The following TMEM132D variants were observed in gnomAD, a reference collection of about 807,000 sequenced individuals.
TMEM132D encodes the protein mature OL transmembrane protein.
A neutral mutation model predicts 62.3 loss-of-function variants in TMEM132D; 21 were observed. That is an observed-to-expected ratio of 0.34 (90% confidence interval 0.24 to 0.49). TMEM132D has a LOEUF of 0.49. TMEM132D is among the 20% of genes least tolerant of loss of function. TMEM132D has a pLI of 0.99. For missense variants in TMEM132D, 1,346 were observed against 1,402.8 expected, an observed-to-expected ratio of 0.96 and a Z score of 0.65; for synonymous variants, 621 against 575.6, an observed-to-expected ratio of 1.08 and a Z score of -1.13.
At chr12:129,350,100 T>C (rs1347835906) in intron 3 of TMEM132D, among the ~76,000 whole-genome samples, 3 of 152,200 alleles carry the variant, frequency 2.0e-5, no homozygotes, top group Non-Finnish European at 4.4e-5. Context: ...CTCAGCCCTT[T>C]TGAAATAATG....
At chr12:129,168,489 A>G (rs1877627163) in intron 5 of TMEM132D, among the ~76,000 whole-genome samples, 1 of 152,002 alleles carries the variant, frequency 6.6e-6, no homozygotes, top group African/African-American at 2.4e-5. Context: ...GGATTTTCCT[A>G]TTCTAGACAT....
At chr12:129,310,199 G>A (rs1343925236) in intron 4 of TMEM132D, among the ~76,000 whole-genome samples, 1 of 152,154 alleles carries the variant, frequency 6.6e-6, no homozygotes, top group Non-Finnish European at 1.5e-5. Context: ...GCTAGTGGTG[G>A]CTGTGAGGGC....
At chr12:129,207,769 TA>T (rs141204145) in intron 5 of TMEM132D, among the ~76,000 whole-genome samples, 13,997 of 151,990 alleles carry the variant, frequency 0.092, 716 homozygotes, top group African/African-American at 0.12. Context: ...TTTTTTTATA[TA>T]AAAAAAGTAT....
At chr12:129,692,054 ACT>A (rs1881075622) in intron 2 of TMEM132D, among the ~76,000 whole-genome samples, 1 of 151,928 alleles carries the variant, frequency 6.6e-6, no homozygotes, top group African/African-American at 2.4e-5. Flanking sequence ...ATTTCTACAC[ACT>A]CTCTCCGAGC....
At chr12:129,085,459 A>G (rs1395484964) in intron 5 of TMEM132D, 1 of 152,304 alleles carries the variant, frequency 6.6e-6, no homozygotes, top group Non-Finnish European at 1.5e-5. Flanking sequence ...AGCTAGCTCA[A>G]TGATGCACCT....
rs2137337018 is a variant in TMEM132D at position 129,834,104 on chromosome 12, C to T, written c.79+69157G>A. On this transcript the variant is annotated intron_variant, in intron 1 of 8. Transcript: ENST00000422113. ...TCCATAAGGGATTGTAACCGAGTGG[C>T]CCAGACTTGAAACACATTTTACAGT... Among the ~76,000 whole-genome samples the T allele has an allele frequency of 1.3e-5, 2 of 152,278 alleles. 1 individual carries two copies. The highest frequency in any genetic ancestry group is 1.3e-4 in the Admixed American group (2 of 15,308).
intron 8 of TMEM132D, among the ~76,000 whole-genome samples, chr12:129,076,964 C>T (rs1186760093): frequency 1.3e-5 from 2 of 152,210 alleles, no homozygotes; most frequent in Non-Finnish European, 2.9e-5. Flanking sequence ...TGGCATCCTT[C>T]CTTGAGAAAA....
chr12:129,093,175 A>T (rs2135629614), intron 5 of TMEM132D, among the ~76,000 whole-genome samples: 1 of 152,284 alleles, frequency 6.6e-6, no homozygotes, highest in Non-Finnish European at 1.5e-5. Flanking sequence ...GTCAGCAGGG[A>T]TGCTCCATGT....
chr12:129,338,867 G>A (rs1006392795), intron 3 of TMEM132D, among the ~76,000 whole-genome samples: 1 of 152,258 alleles, frequency 6.6e-6, no homozygotes, highest in African/African-American at 2.4e-5. Flanking sequence ...AGAGATAAAC[G>A]GTGGGGCTTC....
chr12:129,833,299 A>G (rs1261104364), intron 1 of TMEM132D, among the ~76,000 whole-genome samples: 3 of 151,932 alleles, frequency 2.0e-5, no homozygotes, highest in Non-Finnish European at 4.4e-5. Context: ...TCCTTCCTAC[A>G]CCATTAAAGA....
intron 1 of TMEM132D, chr12:129,840,453 C>T (rs1302337204): frequency 6.6e-6 from 1 of 151,954 alleles, no homozygotes; most frequent in Admixed American, 6.6e-5. Flanking sequence ...AACGGTTCCC[C>T]GGAAATTAAA....
intron 3 of TMEM132D, among the ~76,000 whole-genome samples, chr12:129,383,702 GT>G (rs1414568238): frequency 2.0e-5 from 3 of 152,210 alleles, no homozygotes; most frequent in Admixed American, 2.0e-4. Context: ...GCCTCTTAAA[GT>G]GCTGGGATTA....
At chr12:129,540,965 T>A (rs1434497093) in intron 2 of TMEM132D, among the ~76,000 whole-genome samples, 1 of 152,220 alleles carries the variant, frequency 6.6e-6, no homozygotes, top group African/African-American at 2.4e-5. Flanking sequence ...TGCTCCCTCT[T>A]TTCATATACT....
intron 5 of TMEM132D, among the ~76,000 whole-genome samples, chr12:129,157,238 C>G (rs1877274591): frequency 6.6e-6 from 1 of 152,238 alleles, no homozygotes; most frequent in Non-Finnish European, 1.5e-5. Flanking sequence ...TGGCATTAGT[C>G]CACTTGTGAG....
chr12:129,148,826 G>A (rs11060162), intron 5 of TMEM132D, among the ~76,000 whole-genome samples: 32,092 of 111,970 alleles, frequency 0.29, 3,321 homozygotes, highest in South Asian at 0.38. Flanking sequence ...CCCTCACCCC[G>A]CCCCCACCCT....
At chr12:129,837,310 G>C (rs1040452255) in intron 1 of TMEM132D, among the ~76,000 whole-genome samples, 4 of 152,150 alleles carry the variant, frequency 2.6e-5, no homozygotes. Context: ...TGGGAAGTAA[G>C]CCTGGAAATA....
At chr12:129,342,932 G>C (rs1394328079) in intron 3 of TMEM132D, among the ~76,000 whole-genome samples, 1 of 152,220 alleles carries the variant, frequency 6.6e-6, no homozygotes, top group Non-Finnish European at 1.5e-5. Flanking sequence ...AACAAGAGGT[G>C]CTGGAGAGGA....
intron 2 of TMEM132D, among the ~76,000 whole-genome samples, chr12:129,538,224 G>T (rs4759965): frequency 0.55 from 83,485 of 152,084 alleles, 24,304 homozygotes; most frequent in East Asian, 0.93. Flanking sequence ...AAAAACTCCC[G>T]AACTTCCATC....
intron 1 of TMEM132D, among the ~76,000 whole-genome samples, chr12:129,774,582 G>A (rs759582177): frequency 1.3e-5 from 2 of 152,174 alleles, no homozygotes; most frequent in Non-Finnish European, 2.9e-5. Flanking sequence ...AACTGTAACC[G>A]GGGTAGAGAC....
Sources: gnomAD v4.1 joint callset for allele counts (sites outside exome capture counted in the v4.1 genomes callset) on GRCh38, gnomAD v4.1.1 for gene constraint, MANE v1.5 for transcripts, NCBI Gene and HGNC (gene_info 2026-07-23, HGNC 2026-07-21) for gene names.